Variants in THSD7A observed in about 807,000 individuals in gnomAD.
The protein encoded by THSD7A is thrombospondin type 1 domain containing 7A.
THSD7A carries 96 observed loss-of-function variants against 231.3 expected under a neutral mutation model. That is an observed-to-expected ratio of 0.41 (90% CI 0.35 to 0.49). THSD7A has a LOEUF of 0.49. THSD7A is among the 20% of genes least tolerant of loss of function. The pLI is 0.05. For missense variants in THSD7A, 2,290 were observed against 2,070.2 expected, an observed-to-expected ratio of 1.11 and a Z score of -2.06; for synonymous variants, 940 against 743.3, an observed-to-expected ratio of 1.26 and a Z score of -4.30.
At chr7:11,670,248 C>G (rs539430952) in intron 1 of THSD7A, among the ~76,000 whole-genome samples, 1 of 152,124 alleles carries the variant, frequency 6.6e-6, no homozygotes, top group East Asian at 1.9e-4. Flanking sequence ...TCTGGAGAGC[C>G]TGGAAGGCTG....
chr7:11,680,312 C>A (rs1783820496), intron 1 of THSD7A, among the ~76,000 whole-genome samples: 1 of 152,254 alleles, frequency 6.6e-6, no homozygotes, highest in East Asian at 1.9e-4. Context: ...ATGACTAAAA[C>A]ACCAAAAGCA....
At chr7:11,692,590 C>T (rs920420850) in intron 1 of THSD7A, among the ~76,000 whole-genome samples, 7 of 151,528 alleles carry the variant, frequency 4.6e-5, no homozygotes, top group African/African-American at 1.2e-4. Flanking sequence ...AGTTAGGACT[C>T]GAGTTCAGCT....
intron 1 of THSD7A, among the ~76,000 whole-genome samples, chr7:11,797,121 C>T (rs1474971424): frequency 6.6e-6 from 1 of 152,018 alleles, no homozygotes; most frequent in Non-Finnish European, 1.5e-5. Context: ...CAAAACAATT[C>T]ATTGACTAGT....
At chr7:11,644,545 G>T (rs1307051162) in intron 1 of THSD7A, among the ~76,000 whole-genome samples, 2 of 151,822 alleles carry the variant, frequency 1.3e-5, no homozygotes, top group Non-Finnish European at 2.9e-5. Flanking sequence ...GGTGGATAAG[G>T]AGAGATCACT....
chr7:11,491,500 T>C (rs1265469697), intron 6 of THSD7A, among the ~76,000 whole-genome samples: 1 of 152,074 alleles, frequency 6.6e-6, no homozygotes, highest in Non-Finnish European at 1.5e-5. Context: ...GGTCATCAAA[T>C]CTTCTCAGGC....
rs973281942 is a variant in THSD7A, at chr7:11,566,896, G to C, written c.1453+23564C>G. Among the ~76,000 whole-genome samples the C allele has an allele frequency of 1.3e-5, 2 of 148,850 alleles. 1 individual carries two copies. The highest frequency in any genetic ancestry group is 5.0e-5 in the African/African-American group (2 of 40,028). ...ATCCTTCTAAATGTTTGATATTAGT[G>C]ATCATCTTAACTCTTTTGTGAGCTG... On this transcript the variant is annotated intron_variant, in intron 4 of 27. Transcript: ENST00000423059.
rs531236212 is a variant in THSD7A at position 11,637,662 on chromosome 7, C to G, written c.191-701G>C. Among the ~76,000 whole-genome samples, 3 of 152,202 alleles carry G rather than the reference C, an allele frequency of 2.0e-5. No homozygotes were observed. The South Asian group carries it at 6.2e-4, about 32-fold the overall frequency. ...GTAACTAAAAGACTTTTGCAATTTT[C>G]TAATCATTGAGAGGTTATTTGGGGT... On this transcript the variant is annotated intron_variant, in intron 1 of 27. Transcript: ENST00000423059. The surrounding 1 kb of genome is among the most constrained non-coding windows in gnomAD (Gnocchi z 4.2).
rs1236911416 is a variant in THSD7A at position 11,414,931 on chromosome 7, A to T, written c.3538-2131T>A. On this transcript the variant is annotated intron_variant, in intron 17 of 27. Transcript: ENST00000423059. The stretch of plus-strand genomic sequence containing the variant: ...CGTTACTGATAGACAGTAAAAGCTT[A>T]GTTGGTATCTGTTTAATGAAGGCCT... 2.6e-5 allele frequency among the ~76,000 whole-genome samples: 4 copies of T among 152,328 alleles called. No individual in the cohort carries two copies. In the South Asian group the frequency reaches 8.3e-4, roughly 32 times the overall value.
intron 4 of THSD7A, among the ~76,000 whole-genome samples, chr7:11,583,498 A>G (rs975283534): frequency 7.3e-5 from 11 of 151,256 alleles, no homozygotes; most frequent in Non-Finnish European, 1.3e-4. Flanking sequence ...CTGGTCTCGA[A>G]CTCCCAGACT....
chr7:11,809,684 AG>A (rs1219077191), intron 1 of THSD7A, among the ~76,000 whole-genome samples: 2 of 152,204 alleles, frequency 1.3e-5, no homozygotes, highest in Non-Finnish European at 2.9e-5. Flanking sequence ...CTAAACTCAA[AG>A]GAATTATTTT....
intron 1 of THSD7A, among the ~76,000 whole-genome samples, chr7:11,691,262 G>A (rs1254435889): frequency 6.6e-6 from 1 of 151,312 alleles, no homozygotes; most frequent in Admixed American, 6.6e-5. Context: ...AGTCAACTAG[G>A]GACATTATTC....
chr7:11,474,673 T>C lies in THSD7A; in HGVS notation c.2018-105A>G. ...TGGCTTAGAAATAAAAAGTGACTTT[T>C]CTTCCCCACATCAAGTTCATAAATA... is the stretch of plus-strand genomic sequence containing the variant. On this transcript the variant is annotated intron_variant, in intron 7 of 27. Transcript: ENST00000423059. This position sits in a 1 kb window ranked among gnomAD's most constrained non-coding sequence, Gnocchi z 4.1. The C allele has an allele frequency of 2.3e-6, 2 of 876,014 alleles. No individual in the cohort carries two copies. The highest frequency in any genetic ancestry group is 5.4e-5 in the East Asian group (2 of 37,072). 54.3% of individuals were successfully genotyped at this position (876,014 alleles called of 1,614,324 possible).
chr7:11,515,165 C>A (rs1033391072), intron 6 of THSD7A, among the ~76,000 whole-genome samples: 4 of 152,146 alleles, frequency 2.6e-5, no homozygotes, highest in Non-Finnish European at 4.4e-5. Flanking sequence ...AAAATGGAAA[C>A]ATTTCACTAT....
chr7:11,437,267 G>A (rs1784662949), intron 13 of THSD7A, among the ~76,000 whole-genome samples: 2 of 152,058 alleles, frequency 1.3e-5, no homozygotes, highest in African/African-American at 4.8e-5. Flanking sequence ...GCAGCTGCAG[G>A]AAAATCTCCA....
Position 11,503,461 on chromosome 7 carries a change from A to G in THSD7A, c.1823-21479T>C, listed in dbSNP as rs560807380. On this transcript the variant is annotated intron_variant, in intron 6 of 27. Transcript: ENST00000423059. ...ACAAAAGCAAACATTGACAAATGGG[A>G]TCTAATTAAACTTAAGAGCTTCTGC... Among the ~76,000 whole-genome samples the G allele has an allele frequency of 2.6e-5, 4 of 152,364 alleles. No homozygotes were observed. In the South Asian group the frequency reaches 6.2e-4, roughly 24 times the overall value.
chr7:11,581,048 T>G (rs1791137351), intron 4 of THSD7A, among the ~76,000 whole-genome samples: 1 of 152,160 alleles, frequency 6.6e-6, no homozygotes, highest in Non-Finnish European at 1.5e-5. Context: ...TAATTGATGG[T>G]CAGAAAAATA....
chr7:11,599,734 G>A (rs1289603469), intron 2 of THSD7A, among the ~76,000 whole-genome samples: 2 of 152,142 alleles, frequency 1.3e-5, no homozygotes, highest in African/African-American at 4.8e-5. Flanking sequence ...GGGTGGATCT[G>A]TGATGGTTAA....
At chr7:11,765,125 C>A (rs561784732) in intron 1 of THSD7A, among the ~76,000 whole-genome samples, 3 of 151,984 alleles carry the variant, frequency 2.0e-5, no homozygotes, top group Non-Finnish European at 4.4e-5. Context: ...GAAACTGATA[C>A]TGGAAAATGT....
intron 1 of THSD7A, among the ~76,000 whole-genome samples, chr7:11,794,489 G>A (rs1784058421): frequency 6.6e-6 from 1 of 151,822 alleles, no homozygotes; most frequent in Non-Finnish European, 1.5e-5. Flanking sequence ...TCTACACATC[G>A]ACTTCCTTCT....
Sources: gnomAD v4.1 joint callset for allele counts (sites outside exome capture counted in the v4.1 genomes callset) on GRCh38, gnomAD v4.1.1 for gene constraint, Gnocchi (gnomAD v3.1) non-coding constraint, MANE v1.5 for transcripts, NCBI Gene and HGNC (gene_info 2026-07-23, HGNC 2026-07-21) for gene names.